DPP6: variants seen among roughly 807,000 people sequenced by gnomAD.
DPP6 encodes dipeptidyl peptidase like 6.
Under a neutral mutation model 122.6 loss-of-function variants are expected in DPP6, and 69 were observed. The ratio of observed to expected loss-of-function variants is 0.56; its 90% CI spans 0.46 to 0.69. The LOEUF (loss-of-function observed/expected upper bound fraction) is 0.69, where lower values mean the gene tolerates loss of function less well. DPP6 is among the 30% of genes least tolerant of loss of function. DPP6 has a pLI of 0.00. For synonymous variants in DPP6, 418 were observed against 433.1 expected (o/e 0.97, Z 0.43); for missense variants, 928 against 1,116.9 (o/e 0.83, Z 2.41).
At chr7:154,198,609 C>G (rs777594980) in intron 1 of DPP6, among the ~76,000 whole-genome samples, 1 of 152,240 alleles carries the variant, frequency 6.6e-6, no homozygotes, top group Non-Finnish European at 1.5e-5. Context: ...CCACTGCACC[C>G]GGCCTCACTT....
chr7:153,824,386 CAAAAA>C, the DPP6 span, among the ~76,000 whole-genome samples: 5 of 79,442 alleles, frequency 6.3e-5, no homozygotes, highest in Admixed American at 3.2e-4. Flanking sequence ...GAGTCTGTCT[CAAAAA>C]AAAAAAAAAA....
At chr7:153,897,977 G>A (rs1799480928) in intron 1 of DPP6, among the ~76,000 whole-genome samples, 1 of 152,160 alleles carries the variant, frequency 6.6e-6, no homozygotes, top group African/African-American at 2.4e-5. Context: ...AAGGAGCAAT[G>A]AAAGAAAGAT....
intron 8 of DPP6, among the ~76,000 whole-genome samples, chr7:154,750,563 G>A (rs1413421992): frequency 1.3e-5 from 2 of 152,336 alleles, no homozygotes; most frequent in African/African-American, 4.8e-5. Flanking sequence ...GAGAGTGGGA[G>A]GGCGTCCCGC....
rs75019038 is a variant in DPP6, at chr7:154,803,844, G to T, written c.1408-20G>T. ...CGGGACACCGGTGTCTGCTCCTGAT[G>T]CCATGTCTGTGTGTTTCAGCCCAAC... On this transcript the variant is annotated intron_variant, in intron 13 of 25. Coordinates refer to ENST00000377770, the MANE Select transcript of DPP6 (RefSeq NM_130797.4). 2,856 of 1,611,156 alleles carry T rather than the reference G, an allele frequency of 1.8e-3. 45 individuals are homozygous for T. The African/African-American group carries it at 0.033, about 19-fold the overall frequency.
Position 154,486,136 on chromosome 7 carries a change from A to G in DPP6, c.457+11099A>G, listed in dbSNP as rs1421298214. On this transcript the variant is annotated intron_variant, in intron 3 of 25. Transcript: ENST00000377770. The surrounding 1 kb of genome is among the most constrained non-coding windows in gnomAD (Gnocchi z 4.5). ...CTCACCACCCCTACTCATGGCCTCTATTTTGTTTTTTTTTTGAGATGGAGT... is the reference window on the plus strand; with the variant it reads ...CTCACCACCCCTACTCATGGCCTCTGTTTTGTTTTTTTTTTGAGATGGAGT... 6.8e-6 allele frequency among the ~76,000 whole-genome samples: 1 copy of G among 146,048 alleles called. No individual in the cohort carries two copies. The highest frequency in any genetic ancestry group is 2.7e-5 in the African/African-American group (1 of 36,862).
chr7:154,575,433 A>ATATG (rs1831552421), intron 5 of DPP6, among the ~76,000 whole-genome samples: 2 of 31,960 alleles, frequency 6.3e-5, no homozygotes, highest in African/African-American at 3.2e-4. Flanking sequence ...TGTGGTGTGT[A>ATATG]TGTGTGTGGT....
chr7:154,701,216 C>T (rs983110756), intron 7 of DPP6, among the ~76,000 whole-genome samples: 8 of 152,312 alleles, frequency 5.3e-5, no homozygotes, highest in Admixed American at 6.5e-5. Context: ...GTCTTCCTGT[C>T]CCGCTTTGCA....
intron 13 of DPP6, 21 bp from the exon 14 acceptor site, chr7:154,803,843 T>C (rs1798527613): frequency 3.1e-6 from 5 of 1,611,020 alleles, no homozygotes; most frequent in Non-Finnish European, 4.2e-6. Context: ...CTGCTCCTGA[T>C]GCCATGTCTG....
At chr7:153,991,049 G>T (rs1159062140) in intron 1 of DPP6, among the ~76,000 whole-genome samples, 22 of 152,278 alleles carry the variant, frequency 1.4e-4, no homozygotes, top group Non-Finnish European at 2.4e-4. Flanking sequence ...CTAGAATGAT[G>T]GAGTAATAAG....
At chr7:154,174,230 T>G (rs577834056) in intron 1 of DPP6, among the ~76,000 whole-genome samples, 1 of 152,256 alleles carries the variant, frequency 6.6e-6, no homozygotes, top group African/African-American at 2.4e-5. Context: ...CTTGCAGTTC[T>G]GTTTACCCAT....
At chr7:154,105,782 C>T (rs192622105) in intron 1 of DPP6, among the ~76,000 whole-genome samples, 1 of 152,156 alleles carries the variant, frequency 6.6e-6, no homozygotes, top group African/African-American at 2.4e-5. Context: ...TGCCTTCTGC[C>T]GTGATTGTGA....
intron 1 of DPP6, among the ~76,000 whole-genome samples, chr7:154,195,943 C>T (rs539398552): frequency 5.3e-4 from 80 of 152,228 alleles, no homozygotes; most frequent in African/African-American, 1.8e-3. Context: ...TTCCCTTTTT[C>T]GGTTTGGCAA....
chr7:154,876,905 T>C (rs1804912463), intron 20 of DPP6: 1 of 152,122 alleles, frequency 6.6e-6, no homozygotes, highest in Non-Finnish European at 1.5e-5. Context: ...GTTCTGAGAA[T>C]GACAAGAAGG....
intron 1 of DPP6, among the ~76,000 whole-genome samples, chr7:153,925,806 C>G (rs1471377384): frequency 1.3e-5 from 2 of 152,216 alleles, no homozygotes; most frequent in African/African-American, 4.8e-5. Context: ...TCTTTCTGAG[C>G]CTCTGTTTCT....
At chr7:154,740,845 C>T (rs1318129703) in intron 8 of DPP6, among the ~76,000 whole-genome samples, 2 of 152,138 alleles carry the variant, frequency 1.3e-5, no homozygotes, top group Non-Finnish European at 2.9e-5. Flanking sequence ...TTAGATGATT[C>T]TGATAAACCT....
At chr7:154,419,875 A>G (rs1291460622) in intron 1 of DPP6, among the ~76,000 whole-genome samples, 1 of 152,222 alleles carries the variant, frequency 6.6e-6, no homozygotes, top group East Asian at 1.9e-4. Flanking sequence ...AGGATGTCAA[A>G]GAGACACCAG....
At chr7:154,758,446 AC>A (rs1215723367) in intron 8 of DPP6, among the ~76,000 whole-genome samples, 4 of 147,638 alleles carry the variant, frequency 2.7e-5, no homozygotes, top group African/African-American at 1.0e-4. Flanking sequence ...ATCTCGACTC[AC>A]TGAAATCTTC....
intron 16 of DPP6, among the ~76,000 whole-genome samples, chr7:154,830,156 C>T (rs1333296690): frequency 6.6e-6 from 1 of 152,170 alleles, no homozygotes; most frequent in Non-Finnish European, 1.5e-5. Context: ...CCTTTGAACA[C>T]GTTTTCCTGT....
intron 1 of DPP6, among the ~76,000 whole-genome samples, chr7:154,324,418 C>T (rs1339209577): frequency 6.6e-6 from 1 of 152,176 alleles, no homozygotes; most frequent in African/African-American, 2.4e-5. Context: ...CTCCACTGGC[C>T]TCTTCTCTGG....
Sources: allele counts gnomAD v4.1 joint callset (sites outside exome capture counted in the v4.1 genomes callset), GRCh38; gene constraint gnomAD v4.1.1; non-coding constraint Gnocchi (gnomAD v3.1); transcripts MANE v1.5; gene names NCBI Gene and HGNC (gene_info 2026-07-23, HGNC 2026-07-21).